Variants in KIAA1217 observed in about 807,000 individuals in gnomAD.
KIAA1217 encodes sickle tail protein homolog.
Under a neutral mutation model 163.9 loss-of-function variants are expected in KIAA1217, and 88 were observed. The observed-to-expected ratio is 0.54, with a 90% CI of 0.45 to 0.64. The LOEUF is 0.64. KIAA1217 is among the 30% of genes least tolerant of loss of function. The pLI, the probability that KIAA1217 is intolerant of heterozygous loss-of-function variation, is 0.00. For synonymous variants in KIAA1217, 903 were observed against 923.1 expected (o/e 0.98, Z 0.39); for missense variants, 2,372 against 2,475.0 (o/e 0.96, Z 0.88).
chr10:23,852,370 C>A (rs1415603329), intron 1 of KIAA1217, among the ~76,000 whole-genome samples: 2 of 152,146 alleles, frequency 1.3e-5, no homozygotes, highest in Admixed American at 6.6e-5. Flanking sequence ...TTCCATTGAT[C>A]TATATCTCTG....
chr10:24,374,738 A>G (rs1564564774), intron 2 of KIAA1217, among the ~76,000 whole-genome samples: 1 of 152,306 alleles, frequency 6.6e-6, no homozygotes, highest in East Asian at 1.9e-4. Flanking sequence ...GAAGTTGCCA[A>G]GAAGACATGC....
chr10:24,295,196 A>T (rs2040444500), intron 2 of KIAA1217, among the ~76,000 whole-genome samples: 1 of 152,226 alleles, frequency 6.6e-6, no homozygotes, highest in Non-Finnish European at 1.5e-5. Flanking sequence ...TAAGTCTCTT[A>T]AAATAATTAT....
intron 3 of KIAA1217, among the ~76,000 whole-genome samples, chr10:24,429,640 C>G (rs888777358): frequency 2.6e-5 from 4 of 152,122 alleles, no homozygotes; most frequent in African/African-American, 9.7e-5. Flanking sequence ...CCCCCTTTTT[C>G]TGGACTGTTT....
intron 1 of KIAA1217, among the ~76,000 whole-genome samples, chr10:23,879,996 T>TGAA (rs1045331866): frequency 6.7e-4 from 102 of 152,012 alleles, no homozygotes; most frequent in African/African-American, 2.3e-3. Flanking sequence ...CAAATGCTTC[T>TGAA]GGTGGTGGGT....
chr10:24,496,018 C>T (rs2066740214), intron 8 of KIAA1217, among the ~76,000 whole-genome samples: 1 of 152,184 alleles, frequency 6.6e-6, no homozygotes, highest in Non-Finnish European at 1.5e-5. Context: ...TCCCTCTCAT[C>T]GGGTTAGAAA....
intron 9 of KIAA1217, among the ~76,000 whole-genome samples, chr10:24,512,828 C>CTG (rs2134267058): frequency 6.6e-6 from 1 of 152,284 alleles, no homozygotes; most frequent in South Asian, 2.1e-4. Flanking sequence ...GTGGATTCCC[C>CTG]ATCATTAGAG....
At chr10:23,957,304 G>C (rs961633083) in intron 1 of KIAA1217, among the ~76,000 whole-genome samples, 1 of 152,088 alleles carries the variant, frequency 6.6e-6, no homozygotes, top group Non-Finnish European at 1.5e-5. Context: ...AAGCCCTGTC[G>C]TTTCCTACCT....
At chr10:24,370,264 CAAAAA>C (rs5783891) in intron 2 of KIAA1217, among the ~76,000 whole-genome samples, 3 of 73,444 alleles carry the variant, frequency 4.1e-5, no homozygotes, top group Non-Finnish European at 7.8e-5. Context: ...GACTCTGTCT[CAAAAA>C]AAAAAAAAAA....
At chr10:24,313,459 CAGTCCAATTAAGAGCAA>C (rs1355580739) in intron 2 of KIAA1217, among the ~76,000 whole-genome samples, 1 of 152,162 alleles carries the variant, frequency 6.6e-6, no homozygotes, top group Non-Finnish European at 1.5e-5. Context: ...GACCCATCAA[CAGTCCAATTAAGAGCAA>C]AGGGATGTGA....
At chr10:24,505,533 T>G (rs1157753481) in intron 9 of KIAA1217, among the ~76,000 whole-genome samples, 1 of 152,090 alleles carries the variant, frequency 6.6e-6, no homozygotes, top group East Asian at 1.9e-4. Flanking sequence ...ATCCCATATC[T>G]ACAGAAGTGA....
At chr10:24,545,212 T>C (rs2075599717) in intron 20 of KIAA1217, 109 bp downstream of exon 20, 2 of 1,518,222 alleles carry the variant, frequency 1.3e-6, no homozygotes, top group Non-Finnish European at 1.8e-6. Flanking sequence ...ACGGTTTACA[T>C]AGACATCCTG....
intron 1 of KIAA1217, among the ~76,000 whole-genome samples, chr10:23,844,049 C>A (rs942295662): frequency 6.6e-6 from 1 of 152,112 alleles, no homozygotes. Context: ...TGTATAGCTA[C>A]AAGGTATGAA....
intron 6 of KIAA1217, among the ~76,000 whole-genome samples, chr10:24,488,833 A>T (rs929079264): frequency 6.6e-6 from 1 of 152,186 alleles, no homozygotes; most frequent in Non-Finnish European, 1.5e-5. Context: ...TGCCTTCGGC[A>T]CTGCCAAGAT....
At chr10:23,919,348 G>C (rs868697284) in intron 1 of KIAA1217, among the ~76,000 whole-genome samples, 1 of 152,042 alleles carries the variant, frequency 6.6e-6, no homozygotes, top group South Asian at 2.1e-4. Flanking sequence ...GGTCACCCCT[G>C]TAATCCCAGC....
At chr10:24,177,735 T>C (rs2065978092) in intron 2 of KIAA1217, among the ~76,000 whole-genome samples, 2 of 151,706 alleles carry the variant, frequency 1.3e-5, no homozygotes, top group African/African-American at 4.8e-5. Context: ...AAATTGAAGG[T>C]GGTGGGGGAG....
At chr10:24,027,251 A>G (rs1025936005) in intron 2 of KIAA1217, among the ~76,000 whole-genome samples, 1 of 152,056 alleles carries the variant, frequency 6.6e-6, no homozygotes, top group Non-Finnish European at 1.5e-5. Context: ...CCCTCCCTGC[A>G]CTATGACCTG....
chr10:23,788,500 C>T (rs1309678939), intron 1 of KIAA1217, among the ~76,000 whole-genome samples: 2 of 152,184 alleles, frequency 1.3e-5, no homozygotes, highest in Non-Finnish European at 2.9e-5. Flanking sequence ...CCAAAAAAGG[C>T]TTGGTAGGGA....
intron 1 of KIAA1217, among the ~76,000 whole-genome samples, chr10:23,983,169 C>T (rs1241105958): frequency 6.6e-6 from 1 of 152,004 alleles, no homozygotes; most frequent in South Asian, 2.1e-4. Flanking sequence ...GGTTAAAGTA[C>T]ATCATAGAGC....
At chr10:23,848,605 A>G (rs940758134) in intron 1 of KIAA1217, among the ~76,000 whole-genome samples, 5 of 152,058 alleles carry the variant, frequency 3.3e-5, no homozygotes, top group African/African-American at 1.2e-4. Context: ...CTCTTCTGGC[A>G]TTTTATATTT....
Sources: gnomAD v4.1 joint callset for allele counts (sites outside exome capture counted in the v4.1 genomes callset) on GRCh38, gnomAD v4.1.1 for gene constraint, MANE v1.5 for transcripts, NCBI Gene and HGNC (gene_info 2026-07-23, HGNC 2026-07-21) for gene names.